Variants in GLRA3 observed in about 807,000 individuals in gnomAD.
GLRA3 encodes glycine receptor subunit alpha-3.
Under a neutral mutation model 60.4 loss-of-function variants are expected in GLRA3, and 44 were observed. The ratio of observed to expected loss-of-function variants is 0.73; its 90% CI spans 0.57 to 0.94. The LOEUF (loss-of-function observed/expected upper bound fraction) is 0.94, where lower values mean the gene tolerates loss of function less well. Ranked by LOEUF, GLRA3 falls within the 40% of genes least tolerant of loss-of-function variation. The probability of loss-of-function intolerance (pLI) is 0.00; values close to 1 mark genes in which losing one functional copy is unlikely to be tolerated. For synonymous variants in GLRA3, 223 were observed against 192.9 expected (o/e 1.16, Z -1.29); for missense variants, 508 against 564.6 (o/e 0.90, Z 1.02).
intron 1 of GLRA3, among the ~76,000 whole-genome samples, chr4:174,825,029 G>T (rs1478817640): frequency 6.6e-6 from 1 of 152,060 alleles, no homozygotes; most frequent in East Asian, 1.9e-4. Flanking sequence ...TATAGAAGAG[G>T]AAATATTTTT....
At chr4:174,788,590 TAAAAAAAAAAAA>T (rs35640897) in intron 2 of GLRA3, among the ~76,000 whole-genome samples, 1 of 87,876 alleles carries the variant, frequency 1.1e-5, no homozygotes, top group Non-Finnish European at 2.2e-5. Context: ...GTTAGAGAAG[TAAAAAAAAAAAA>T]AAAAAAAAAA....
At chr4:174,730,862 C>T (rs367944592) in intron 3 of GLRA3, among the ~76,000 whole-genome samples, 6 of 152,076 alleles carry the variant, frequency 3.9e-5, no homozygotes, top group African/African-American at 1.4e-4. Flanking sequence ...CCACATGAGG[C>T]CCCTGGATGA....
rs187863249 is a variant in GLRA3, at chr4:174,791,513, C to T, written c.72-2570G>A. 3.0e-4 allele frequency among the ~76,000 whole-genome samples: 46 copies of T among 152,310 alleles called. 1 individual carries two copies. Among genetic ancestry groups the T allele is most frequent in the Non-Finnish European group, 5.7e-4 (39 of 68,016 alleles). On this transcript the variant is annotated intron_variant, in intron 1 of 9. Coordinates refer to ENST00000274093, the MANE Select transcript of GLRA3 (RefSeq NM_006529.4). ...TGAATTTTTCATGTCTGTCATGCTG[C>T]TTTTCAACCCCAGAATTACTCTTTG...
At chr4:174,746,389 G>A (rs1223954568) in intron 3 of GLRA3, among the ~76,000 whole-genome samples, 2 of 152,012 alleles carry the variant, frequency 1.3e-5, no homozygotes, top group African/African-American at 4.8e-5. Flanking sequence ...AAATAAGTCA[G>A]GTATGGAAAG....
chr4:174,731,519 C>G (rs1222271680), intron 3 of GLRA3, among the ~76,000 whole-genome samples: 1 of 152,076 alleles, frequency 6.6e-6, no homozygotes, highest in Non-Finnish European at 1.5e-5. Flanking sequence ...AAGAAGGCAA[C>G]TTGGAGTGAA....
chr4:174,649,891 C>T (rs1165390925), intron 9 of GLRA3, among the ~76,000 whole-genome samples: 4 of 151,978 alleles, frequency 2.6e-5, no homozygotes, highest in East Asian at 1.9e-4. Context: ...CAATTATAAT[C>T]TTACTGTCCA....
intron 5 of GLRA3, among the ~76,000 whole-genome samples, chr4:174,701,964 A>G (rs2111050858): frequency 1.3e-5 from 2 of 152,344 alleles, no homozygotes; most frequent in Admixed American, 1.3e-4. Flanking sequence ...AACATTGTTG[A>G]AATGACAACA....
At chr4:174,645,409 G>A (rs1732774770) in intron 9 of GLRA3, among the ~76,000 whole-genome samples, 1 of 127,518 alleles carries the variant, frequency 7.8e-6, no homozygotes, top group South Asian at 2.5e-4. Flanking sequence ...GACAGAGTGA[G>A]ACTCCGTCTC....
Position 174,732,184 on chromosome 4 carries a change from A to G in GLRA3, c.268-3486T>C, listed in dbSNP as rs567444413. ...ATCCTGGCCAACATGGTGAAACCCC[A>G]TCTCTACTAAAAACACAAAAATTAG... On this transcript the variant is annotated intron_variant, in intron 3 of 9. Transcript: ENST00000274093. 3.0e-4 allele frequency among the ~76,000 whole-genome samples: 45 copies of G among 152,132 alleles called. 1 individual carries two copies. Among genetic ancestry groups the G allele is most frequent in the East Asian group, 2.3e-3 (12 of 5,140 alleles).
intron 6 of GLRA3, among the ~76,000 whole-genome samples, chr4:174,679,284 A>G (rs1734247153): frequency 6.6e-6 from 1 of 152,030 alleles, no homozygotes; most frequent in South Asian, 2.1e-4. Flanking sequence ...TCTTGCCACT[A>G]CATTCCAGCC....
chr4:174,667,126 A>G (rs1349008168), intron 7 of GLRA3, among the ~76,000 whole-genome samples: 1 of 152,060 alleles, frequency 6.6e-6, no homozygotes, highest in Non-Finnish European at 1.5e-5. Context: ...TGGTTCTCAC[A>G]TTTGGTCATA....
chr4:174,700,258 T>G (rs1489973073), intron 5 of GLRA3, among the ~76,000 whole-genome samples: 1 of 152,224 alleles, frequency 6.6e-6, no homozygotes. Context: ...ATATTGAATA[T>G]TTTACAAATT....
At chr4:174,768,535 C>A (rs1284032973) in intron 2 of GLRA3, among the ~76,000 whole-genome samples, 1 of 152,038 alleles carries the variant, frequency 6.6e-6, no homozygotes, top group African/African-American at 2.4e-5. Context: ...AAAGCCTTTG[C>A]ACACAAAACT....
chr4:174,737,231 G>C (rs527596365), intron 3 of GLRA3, among the ~76,000 whole-genome samples: 1 of 152,204 alleles, frequency 6.6e-6, no homozygotes, highest in South Asian at 2.1e-4. Flanking sequence ...AGTGTTTCCA[G>C]TTTAAAGATA....
At chr4:174,804,734 G>C (rs932233957) in intron 1 of GLRA3, among the ~76,000 whole-genome samples, 24 of 152,132 alleles carry the variant, frequency 1.6e-4, no homozygotes, top group Admixed American at 5.2e-4. Flanking sequence ...CAGAACGCGC[G>C]GTCCTGGAGA....
intron 1 of GLRA3, among the ~76,000 whole-genome samples, chr4:174,792,323 T>C (rs1000850006): frequency 6.6e-6 from 1 of 152,084 alleles, no homozygotes; most frequent in Non-Finnish European, 1.5e-5. Flanking sequence ...GGCTTGTAGA[T>C]GTCCATTTTC....
intron 3 of GLRA3, among the ~76,000 whole-genome samples, chr4:174,739,969 T>A (rs1213834735): frequency 6.6e-6 from 1 of 152,192 alleles, no homozygotes; most frequent in East Asian, 1.9e-4. Context: ...GAACACCTTA[T>A]CCCTATTGCA....
rs60086502 is a variant in GLRA3 at position 174,803,518 on chromosome 4, C to A, written c.72-14575G>T. Among the ~76,000 whole-genome samples the A allele has an allele frequency of 3.5e-3, 537 of 152,202 alleles. 2 individuals carry two copies. Among genetic ancestry groups the A allele is most frequent in the African/African-American group, 0.012 (515 of 41,560 alleles). Reference sequence around the variant, plus strand: ...CTAGCCAGGAAGCTTGTATTTTGTTCTTTTCTGTCATTAACTAGTTGTTTT... The same window carrying A: ...CTAGCCAGGAAGCTTGTATTTTGTTATTTTCTGTCATTAACTAGTTGTTTT... On this transcript the variant is annotated intron_variant, in intron 1 of 9. Coordinates refer to ENST00000274093, the MANE Select transcript of GLRA3 (RefSeq NM_006529.4).
chr4:174,723,386 G>A (rs1736202016), intron 4 of GLRA3, among the ~76,000 whole-genome samples: 1 of 152,034 alleles, frequency 6.6e-6, no homozygotes, highest in Non-Finnish European at 1.5e-5. Flanking sequence ...CAAACAAAAA[G>A]TAGTCTAGGT....
Sources: gnomAD v4.1 joint callset for allele counts (sites outside exome capture counted in the v4.1 genomes callset) on GRCh38, gnomAD v4.1.1 for gene constraint, MANE v1.5 for transcripts, NCBI Gene and HGNC (gene_info 2026-07-23, HGNC 2026-07-21) for gene names.